Variants in CCDC160 observed in about 807,000 individuals in gnomAD.
CCDC160 encodes coiled-coil domain-containing protein 160.
For synonymous variants in CCDC160, 94 were observed against 79.4 expected (o/e 1.18, Z -0.98); for missense variants, 227 against 215.6 (o/e 1.05, Z -0.33).
At chrX:134,238,436 A>T (rs752244145) in intron 1 of CCDC160, among the ~76,000 whole-genome samples, 118 of 96,641 alleles carry the variant, frequency 1.2e-3, no homozygotes, top group African/African-American at 4.5e-3. Context: ...GCAGTGGCGC[A>T]ATTTCGGCTC....
downstream of CCDC160, among the ~76,000 whole-genome samples, chrX:134,246,490 G>A (rs1212436265): frequency 9.0e-6 from 1 of 111,080 alleles, no homozygotes; most frequent in Non-Finnish European, 1.9e-5. Context: ...ACCAGTAAGG[G>A]GCATTGTTTA....
downstream of CCDC160, chrX:134,246,316 G>A (rs1320169588): frequency 9.0e-6 from 1 of 110,780 alleles, no homozygotes; most frequent in Admixed American, 9.6e-5. Context: ...AAACATCTCT[G>A]GAAAAAAATG....
chrX:134,243,345 T>C, intron 1 of CCDC160: 1 of 751,888 alleles, frequency 1.3e-6, no homozygotes, highest in Non-Finnish European at 1.6e-6. Context: ...AGTAGGGATG[T>C]ACTCTTGGGG....
At position 134,243,118 on chromosome X, in the gene CCDC160, CAGAAAGAACTGTTTCAAA is replaced by C. The variant is rs766189309; in HGVS notation, c.-24-1650_-24-1633del. Among the ~76,000 whole-genome samples, 202 of 111,622 alleles carry C rather than the reference CAGAAAGAACTGTTTCAAA, an allele frequency of 1.8e-3. 1 individual carries two copies. The highest frequency in any genetic ancestry group is 5.0e-3 in the African/African-American group (154 of 30,826). ...TGGTGACTCGTGGAATAATGAAAGT[CAGAAAGAACTGTTTCAAA>C]AGAAAGAAGATGATGCTCCAATGGC... On this transcript the variant is annotated intron_variant, in intron 1 of 1. Coordinates refer to ENST00000370809, the Ensembl canonical transcript of CCDC160.
downstream of CCDC160, chrX:134,245,960 G>T (rs1395941563): frequency 2.3e-4 from 80 of 352,341 alleles, no homozygotes; most frequent in East Asian, 3.7e-3. Flanking sequence ...TGAAGTTATT[G>T]CAGGAATACA....
Position 134,241,234 on chromosome X carries a change from G to C in CCDC160, c.-24-3543G>C, listed in dbSNP as rs748765925. Among the ~76,000 whole-genome samples, 3 of 111,514 alleles carry C rather than the reference G, an allele frequency of 2.7e-5. No individual in the cohort carries two copies. In the East Asian group the frequency reaches 8.4e-4, roughly 31 times the overall value. The stretch of plus-strand genomic sequence containing the variant: ...TGTGCATTCCTCTAAGATTTTTATG[G>C]AACAGTGCACCTATAGGTCCATTGT... On this transcript the variant is annotated intron_variant, in intron 1 of 1. Transcript: ENST00000370809.
In CCDC160 at chrX:134,245,649, T is replaced by TGAACTGA; in HGVS notation, c.860_866dup (p.Lys289AsnfsTer2). 3 of 1,209,206 alleles carry TGAACTGA rather than the reference T, an allele frequency of 2.5e-6. No homozygotes were observed. Among genetic ancestry groups the TGAACTGA allele is most frequent in the Non-Finnish European group, 3.4e-6 (3 of 894,035 alleles). On this transcript the variant is annotated frameshift_variant, in exon 2 of 2. Transcript: ENST00000370809. LOFTEE classifies it low-confidence loss of function (END_TRUNC). ...GCGGAGAGCTCAGTGTCATCAAGAA[T>TGAACTGA]GAACTGAGAACTGAGAAGACCCTAC...
chrX:134,246,282 G>T (rs1470924251), downstream of CCDC160: 17 of 111,186 alleles, frequency 1.5e-4, no homozygotes, highest in African/African-American at 5.6e-4. Context: ...TACTTTGGGG[G>T]TCTAACTTTA....
chrX:134,244,777 A>G, exon 2 of CCDC160: 1 of 1,141,333 alleles, frequency 8.8e-7, no homozygotes, highest in East Asian at 3.1e-5. Flanking sequence ...TGTTTTTCAG[A>G]TATTGGAAGA....
At chrX:134,245,190 A>G (rs1168456165) in exon 2 of CCDC160, 4 of 1,195,323 alleles carry the variant, frequency 3.3e-6, no homozygotes, top group Non-Finnish European at 4.5e-6. Context: ...CTCTACTAAG[A>G]CAAGACATAA....
At chrX:134,239,088 A>G (rs940445842) in intron 1 of CCDC160, among the ~76,000 whole-genome samples, 1 of 112,066 alleles carries the variant, frequency 8.9e-6, no homozygotes, top group African/African-American at 3.3e-5. Flanking sequence ...AGGAGAAATT[A>G]TGTCAAAAAA....
intron 1 of CCDC160, 78 bp from the exon 3 acceptor site, chrX:134,244,699 G>A: frequency 2.2e-6 from 2 of 926,466 alleles, no homozygotes; most frequent in Non-Finnish European, 2.9e-6. Context: ...CCGTGAGCCA[G>A]CATTTTTATT....
exon 2 of CCDC160, chrX:134,245,152 T>G: frequency 8.3e-7 from 1 of 1,197,755 alleles, no homozygotes; most frequent in Non-Finnish European, 1.1e-6. Context: ...AGAAGATAAC[T>G]CTACCTGCAG....
intron 1 of CCDC160, among the ~76,000 whole-genome samples, chrX:134,239,105 T>A (rs1417005069): frequency 8.9e-6 from 1 of 112,264 alleles, no homozygotes; most frequent in African/African-American, 3.2e-5. Context: ...AAAAAATTTT[T>A]TTTAAACTAA....
At position 134,245,375 on chromosome X, in the gene CCDC160, CAG is replaced by C. The variant is rs2077039586; in HGVS notation, c.579_580del (p.Glu193AspfsTer7). On this transcript the variant is annotated frameshift_variant, in exon 2 of 2. Coordinates refer to ENST00000370809, the Ensembl canonical transcript of CCDC160. LOFTEE classifies it low-confidence loss of function (END_TRUNC). ...ACAAAACCCCTAAATTTTCAAGAAACAGAGACGGATGCTTCAAAAAGTGACTA... is the reference window on the plus strand; with the variant it reads ...ACAAAACCCCTAAATTTTCAAGAAACAGACGGATGCTTCAAAAAGTGACTA... The C allele has an allele frequency of 1.7e-6, 2 of 1,190,129 alleles. No individual in the cohort carries two copies. Among genetic ancestry groups the C allele is most frequent in the East Asian group, 3.0e-5 (1 of 33,427 alleles).
intron 1 of CCDC160, among the ~76,000 whole-genome samples, chrX:134,242,299 G>C (rs1353973090): frequency 2.7e-5 from 3 of 111,528 alleles, no homozygotes; most frequent in Non-Finnish European, 3.8e-5. Flanking sequence ...AAAATAGTGA[G>C]TTGTTTTCTT....
chrX:134,242,560 A>T (rs926140633), intron 1 of CCDC160, among the ~76,000 whole-genome samples: 8 of 105,413 alleles, frequency 7.6e-5, no homozygotes, highest in Non-Finnish European at 1.6e-4. Flanking sequence ...AGTGAAAATT[A>T]AAAAGTGTGT....
At chrX:134,241,889 AG>A (rs2077028511) in intron 1 of CCDC160, among the ~76,000 whole-genome samples, 1 of 112,243 alleles carries the variant, frequency 8.9e-6, no homozygotes, top group Admixed American at 9.5e-5. Context: ...CTACCAGGCC[AG>A]GGTAGAGGAG....
At chrX:134,243,065 G>C (rs2077032321) in intron 1 of CCDC160, among the ~76,000 whole-genome samples, 2 of 111,507 alleles carry the variant, frequency 1.8e-5, no homozygotes, top group South Asian at 7.6e-4. Context: ...TTCCCTTTAA[G>C]AACAGATCAA....
Sources: allele counts gnomAD v4.1 joint callset (sites outside exome capture counted in the v4.1 genomes callset), GRCh38; gene constraint gnomAD v4.1.1; transcripts MANE v1.5; gene names NCBI Gene and HGNC (gene_info 2026-07-23, HGNC 2026-07-21).